The following TXNDC16 variants were observed in gnomAD, a reference collection of about 807,000 sequenced individuals.
TXNDC16 encodes thioredoxin domain-containing protein 16.
A neutral mutation model predicts 85.6 loss-of-function variants in TXNDC16; 74 were observed. The observed-to-expected ratio is 0.86, with a 90% CI of 0.72 to 1.05. TXNDC16 has a LOEUF of 1.05. Among genes scored for constraint, TXNDC16 ranks in the 50% least tolerant of loss-of-function variants. The pLI is 0.00. For missense variants in TXNDC16, 959 were observed against 947.0 expected (o/e 1.01, Z -0.17); for synonymous variants, 335 against 326.5 (o/e 1.03, Z -0.28).
rs888243964 is a variant in TXNDC16, at chr14:52,529,480, A to G, written c.392+7239T>C. ...TAAAACTTTAACTATAATAATAAAA[A>G]GAAAAAATACCTACTATATATTATA... On this transcript the variant is annotated intron_variant, in intron 6 of 20. Transcript: ENST00000281741. 6.4e-4 allele frequency among the ~76,000 whole-genome samples: 78 copies of G among 121,226 alleles called. 3 individuals carry two copies. Among genetic ancestry groups the G allele is most frequent in the Non-Finnish European group, 1.3e-4 (8 of 61,234 alleles). 79.5% of individuals were successfully genotyped at this position (121,226 alleles called of 152,430 possible).
At chr14:52,549,883 C>A (rs1359282448) in intron 1 of TXNDC16, among the ~76,000 whole-genome samples, 1 of 152,114 alleles carries the variant, frequency 6.6e-6, no homozygotes, top group African/African-American at 2.4e-5. Context: ...GTGATCTGCC[C>A]ACCTTGGCTT....
intron 17 of TXNDC16, among the ~76,000 whole-genome samples, chr14:52,455,992 G>C (rs2035524302): frequency 6.6e-6 from 1 of 152,136 alleles, no homozygotes; most frequent in African/African-American, 2.4e-5. Flanking sequence ...GACACAGTCT[G>C]TTCCTGACAT....
At chr14:52,522,501 G>C (rs1436933806) in intron 6 of TXNDC16, among the ~76,000 whole-genome samples, 2 of 152,200 alleles carry the variant, frequency 1.3e-5, no homozygotes, top group East Asian at 3.9e-4. Context: ...TTCTGAAGCA[G>C]GGGCAGGCGA....
chr14:52,479,378 T>C (rs1008242964), intron 14 of TXNDC16, among the ~76,000 whole-genome samples: 1 of 152,162 alleles, frequency 6.6e-6, no homozygotes, highest in African/African-American at 2.4e-5. Context: ...AAACTGTTGC[T>C]GTTTGCTGGT....
intron 4 of TXNDC16, among the ~76,000 whole-genome samples, chr14:52,541,051 T>C (rs1025806327): frequency 1.3e-5 from 2 of 151,968 alleles, no homozygotes; most frequent in African/African-American, 4.8e-5. Context: ...GCCTGGCCAA[T>C]ACGGTGAAAC....
intron 14 of TXNDC16, among the ~76,000 whole-genome samples, chr14:52,479,945 GT>G (rs1383702368): frequency 6.6e-6 from 1 of 152,052 alleles, no homozygotes; most frequent in Non-Finnish European, 1.5e-5. Flanking sequence ...CCAAAACAGT[GT>G]GGTACTGGCA....
intron 12 of TXNDC16, 77 bp downstream of exon 12, chr14:52,488,286 G>C: frequency 1.3e-6 from 2 of 1,548,912 alleles, no homozygotes; most frequent in Non-Finnish European, 8.8e-7. Context: ...CTTGGAGAAA[G>C]TTAATCCATT....
At chr14:52,530,423 A>ATATATAATAATATATAATATATTAT (rs2037508716) in intron 6 of TXNDC16, among the ~76,000 whole-genome samples, 6 of 10,062 alleles carry the variant, frequency 6.0e-4, no homozygotes, top group Non-Finnish European at 8.4e-4. Context: ...ATATAATATT[A>ATATATAATAATATATAATATATTAT]TATATAATAA....
intron 16 of TXNDC16, among the ~76,000 whole-genome samples, chr14:52,469,032 C>T (rs1044593887): frequency 6.6e-6 from 1 of 151,728 alleles, no homozygotes; most frequent in Admixed American, 6.6e-5. Flanking sequence ...AAAAAGGAAA[C>T]AGTACAAATA....
chr14:52,530,810 GAT>G (rs914497001), intron 6 of TXNDC16, among the ~76,000 whole-genome samples: 1 of 149,472 alleles, frequency 6.7e-6, no homozygotes, highest in Non-Finnish European at 1.5e-5. Flanking sequence ...TAGAAAAAAA[GAT>G]ATAAAATCTC....
intron 9 of TXNDC16, among the ~76,000 whole-genome samples, chr14:52,498,191 T>C (rs1369190855): frequency 6.6e-6 from 1 of 152,150 alleles, no homozygotes. Flanking sequence ...GCCAATATCA[T>C]ATTCAATGGT....
At chr14:52,444,250 A>G (rs894046463) in intron 18 of TXNDC16, among the ~76,000 whole-genome samples, 1 of 152,106 alleles carries the variant, frequency 6.6e-6, no homozygotes, top group African/African-American at 2.4e-5. Context: ...GGTGTTCTAA[A>G]CTTGTCAATA....
In TXNDC16 at chr14:52,454,649, C is replaced by CAAAAA. The variant is rs34727206; in HGVS notation, c.1842+670_1842+674dup. On this transcript the variant is annotated intron_variant, in intron 18 of 20. Transcript: ENST00000281741. ...TGAAACCTTGTGTCTACTAAAAATA[C>CAAAAA]AAAAAAAAAAAAAAAAAAAAGCCAG... 2.7e-4 allele frequency among the ~76,000 whole-genome samples: 16 copies of CAAAAA among 60,376 alleles called. 2 individuals are homozygous for CAAAAA. The highest frequency in any genetic ancestry group is 4.4e-4 in the East Asian group (1 of 2,290). The allele number at this position is 60,376 out of a possible 152,430, so 39.6% of individuals were successfully genotyped here.
chr14:52,510,359 G>C (rs185639585), intron 9 of TXNDC16, among the ~76,000 whole-genome samples: 1 of 152,240 alleles, frequency 6.6e-6, no homozygotes, highest in Admixed American at 6.5e-5. Flanking sequence ...CTCTACTGAT[G>C]AAAAACACTT....
At chr14:52,496,485 C>T (rs2036536791) in intron 9 of TXNDC16, among the ~76,000 whole-genome samples, 1 of 151,210 alleles carries the variant, frequency 6.6e-6, no homozygotes, top group South Asian at 2.1e-4. Context: ...TTTCCTGCCC[C>T]TCAAAATTTG....
chr14:52,438,622 T>C (rs1427523830), intron 20 of TXNDC16, among the ~76,000 whole-genome samples: 1 of 152,248 alleles, frequency 6.6e-6, no homozygotes, highest in Non-Finnish European at 1.5e-5. Flanking sequence ...AAAATTTGTA[T>C]GATTTGCTTT....
chr14:52,545,725 C>T (rs2037927688), intron 1 of TXNDC16, among the ~76,000 whole-genome samples: 1 of 151,960 alleles, frequency 6.6e-6, no homozygotes, highest in African/African-American at 2.4e-5. Flanking sequence ...GTAATTGGCT[C>T]TAAGGAAGAA....
rs896394236 is a variant in TXNDC16 at position 52,482,903 on chromosome 14, C to G, written c.1171G>C (p.Glu391Gln). 6.2e-7 allele frequency: 1 copy of G among 1,611,860 alleles called. No individual in the cohort carries two copies. Among genetic ancestry groups the G allele is most frequent in the African/African-American group, 1.3e-5 (1 of 74,854 alleles). The change falls in exon 13 of 21, where the codon GAA becomes CAA. Residue 391 changes from glutamate to glutamine, a missense_variant. Glu to Gln is a conservative substitution (Grantham distance 29, BLOSUM62 2). Coordinates refer to ENST00000281741, the MANE Select transcript of TXNDC16 (RefSeq NM_020784.3). ...FRDRKRKLPL[E>Q]LTVELTEETF... ...TCTTCTGTTAGTTCCACTGTAAGTTCCAAAGGTAATTTTCTCTTCCTATCT... is the reference window on the plus strand; with the variant it reads ...TCTTCTGTTAGTTCCACTGTAAGTTGCAAAGGTAATTTTCTCTTCCTATCT...
At chr14:52,533,213 T>C (rs1477198213) in intron 6 of TXNDC16, among the ~76,000 whole-genome samples, 3 of 152,200 alleles carry the variant, frequency 2.0e-5, no homozygotes, top group Non-Finnish European at 2.9e-5. Flanking sequence ...ACTCATATTC[T>C]GTAAATTTGC....
Sources: allele counts gnomAD v4.1 joint callset (sites outside exome capture counted in the v4.1 genomes callset), GRCh38; gene constraint gnomAD v4.1.1; transcripts MANE v1.5; gene names NCBI Gene and HGNC (gene_info 2026-07-23, HGNC 2026-07-21).